SLC22A25: variants seen among roughly 807,000 people sequenced by gnomAD.
The protein encoded by SLC22A25 is MGI:2442751, MGI:2385316, MGI:3042283, MGI:3645714, MGI:3605624, MGI:2442750.
SLC22A25 carries 44 observed loss-of-function variants against 45.9 expected under a neutral mutation model. The ratio of observed to expected loss-of-function variants is 0.96; its 90% CI spans 0.75 to 1.23. The LOEUF is 1.23. Among genes scored for constraint, SLC22A25 ranks in the 50% most tolerant of loss-of-function variants. The pLI, the probability that SLC22A25 is intolerant of heterozygous loss-of-function variation, is 0.00. For synonymous variants in SLC22A25, 283 were observed against 238.6 expected (o/e 1.19, Z -1.72); for missense variants, 800 against 666.4 (o/e 1.20, Z -2.21).
In SLC22A25 at chr11:63,163,726, C is replaced by G. The variant is rs1409979124; in HGVS notation, c.*98G>C. The G allele has an allele frequency of 2.7e-6, 4 of 1,495,772 alleles. No individual in the cohort carries two copies. Among genetic ancestry groups the G allele is most frequent in the Non-Finnish European group, 2.7e-6 (3 of 1,118,744 alleles). 92.7% of individuals were successfully genotyped at this position (1,495,772 alleles called of 1,614,324 possible). A position where few individuals can be genotyped will look rare whatever the true frequency, so the allele number is the denominator to read the frequency against. ...TCACTGTGGAAGGGATGAGGATACA[C>G]CAAAGGCAAAGGCACTGACTACATG... On this transcript the variant is annotated 3_prime_UTR_variant, in exon 12 of 12. Coordinates refer to ENST00000306494, the MANE Select transcript of SLC22A25 (RefSeq NM_199352.6).
chr11:63,161,645 C>T lies in SLC22A25; in HGVS notation c.*2179G>A, dbSNP rs183643021. 1.4e-4 allele frequency among the ~76,000 whole-genome samples: 21 copies of T among 152,288 alleles called. No individual in the cohort carries two copies. The highest frequency in any genetic ancestry group is 3.9e-4 in the East Asian group (2 of 5,188). On this transcript the variant is annotated 3_prime_UTR_variant, in exon 12 of 12. Transcript: ENST00000306494. ...TCTTTTTGCCTGCTGCCATGTAAGA[C>T]GTGCCTTTCGCCCTCCACCAGGATT...
intron 7 of SLC22A25, among the ~76,000 whole-genome samples, chr11:63,191,564 G>A (rs146063310): frequency 4.6e-5 from 7 of 152,154 alleles, no homozygotes; most frequent in South Asian, 2.1e-4. Flanking sequence ...TGCACCCACT[G>A]TCTGACACTC....
chr11:63,232,257 A>C (rs1288682414), intron 3 of SLC22A25, among the ~76,000 whole-genome samples: 1 of 152,094 alleles, frequency 6.6e-6, no homozygotes, highest in Non-Finnish European at 1.5e-5. Context: ...GATTCTTCCT[A>C]CCCGTGAGCA....
intron 8 of SLC22A25, among the ~76,000 whole-genome samples, 180 bp from the exon 9 acceptor site, chr11:63,180,955 TAAAG>T (rs2088298890): frequency 1.3e-5 from 2 of 152,294 alleles, no homozygotes; most frequent in Middle Eastern, 3.4e-3. Flanking sequence ...AATAGAGAGT[TAAAG>T]AAGCCTCAGA....
chr11:63,199,434 T>C (rs2089168120), intron 7 of SLC22A25, among the ~76,000 whole-genome samples: 1 of 152,048 alleles, frequency 6.6e-6, no homozygotes, highest in Non-Finnish European at 1.5e-5. Context: ...GGAAATAATG[T>C]ATACAGTGGT....
chr11:63,238,728 G>T lies in SLC22A25; in HGVS notation c.-588C>A. 4.9e-6 allele frequency: 1 copy of T among 204,230 alleles called. No homozygotes were observed. Among genetic ancestry groups the T allele is most frequent in the Non-Finnish European group, 1.1e-5 (1 of 90,570 alleles). The allele number at this position is 204,230 out of a possible 1,614,324, so 12.7% of individuals were successfully genotyped here. A position where few individuals can be genotyped will look rare whatever the true frequency, so the allele number is the denominator to read the frequency against. The stretch of plus-strand genomic sequence containing the variant: ...TTGGGGCCTCTTACCCAGTCACGAT[G>T]GTGGAGAGGAAGGAGCTTCTGTTGT... On this transcript the variant is annotated 5_prime_UTR_variant, in exon 2 of 12. Coordinates refer to ENST00000306494, the MANE Select transcript of SLC22A25 (RefSeq NM_199352.6).
chr11:63,183,659 C>A, intron 8 of SLC22A25, 35 bp downstream of exon 8: 1 of 1,611,148 alleles, frequency 6.2e-7, no homozygotes, highest in Non-Finnish European at 8.5e-7. Context: ...TTTATGTCTT[C>A]CCAGCATCCC....
rs930477751 is a variant in SLC22A25, at chr11:63,160,418, A to G, written c.*3406T>C. ...ACAGCTTCCATGTGGTGTTGAGCCT[A>G]CAGGTGCAAAGAAGTCAAGAATTGA... On this transcript the variant is annotated 3_prime_UTR_variant, in exon 12 of 12. Transcript: ENST00000306494. 2.0e-5 allele frequency among the ~76,000 whole-genome samples: 3 copies of G among 152,184 alleles called. No individual in the cohort carries two copies. The highest frequency in any genetic ancestry group is 4.4e-5 in the Non-Finnish European group (3 of 68,034).
rs766954113 is a variant in SLC22A25, at chr11:63,180,705, C to T, written c.1025G>A (p.Arg342His). 3.5e-5 allele frequency: 56 copies of T among 1,612,952 alleles called. No homozygotes were observed. The highest frequency in any genetic ancestry group is 1.1e-4 in the African/African-American group (8 of 74,862). ...QKKHSLCELL[R>H]IPNICKRICF... ...GATTCTTTTACATATGTTGGGTATG[C>T]GGAGCAATTCACAAAGAGAATGCTT... Residue 342 changes from arginine to histidine, a missense_variant, in exon 9 of 12, where the codon CGC becomes CAC. Arg to His is a conservative substitution (Grantham distance 29). Coordinates refer to ENST00000306494, the MANE Select transcript of SLC22A25 (RefSeq NM_199352.6).
At chr11:63,168,776 A>G (rs865829388) in intron 9 of SLC22A25, among the ~76,000 whole-genome samples, 2 of 152,214 alleles carry the variant, frequency 1.3e-5, no homozygotes, top group Non-Finnish European at 2.9e-5. Context: ...TCCCCAACCT[A>G]GCAAGACAGG....
intron 7 of SLC22A25, among the ~76,000 whole-genome samples, chr11:63,192,479 C>T (rs755713959): frequency 6.6e-5 from 10 of 152,292 alleles, no homozygotes; most frequent in Admixed American, 2.0e-4. Flanking sequence ...ATCAAATCCA[C>T]ACGTATCAAT....
intron 7 of SLC22A25, among the ~76,000 whole-genome samples, chr11:63,197,725 G>T (rs1257418769): frequency 6.6e-6 from 1 of 152,112 alleles, no homozygotes; most frequent in Non-Finnish European, 1.5e-5. Context: ...TTGACAAATG[G>T]CATCTAAGTA....
chr11:63,186,692 T>C (rs1182631728), intron 7 of SLC22A25, among the ~76,000 whole-genome samples: 2 of 152,232 alleles, frequency 1.3e-5, no homozygotes, highest in Non-Finnish European at 2.9e-5. Context: ...AACATTTAAG[T>C]CTTTAATCCA....
intron 7 of SLC22A25, among the ~76,000 whole-genome samples, chr11:63,187,898 C>G (rs927754272): frequency 1.3e-5 from 2 of 152,168 alleles, no homozygotes; most frequent in Admixed American, 1.3e-4. Context: ...ATGTAGCCCA[C>G]TTGATCATGT....
intron 5 of SLC22A25, chr11:63,219,951 G>T (rs1449442796): frequency 1.6e-6 from 2 of 1,289,292 alleles, no homozygotes; most frequent in Non-Finnish European, 2.0e-6. Context: ...TGATGCTGGT[G>T]GATGGCAATG....
At chr11:63,194,445 T>C (rs2088929027) in intron 7 of SLC22A25, among the ~76,000 whole-genome samples, 1 of 151,182 alleles carries the variant, frequency 6.6e-6, no homozygotes, top group Non-Finnish European at 1.5e-5. Flanking sequence ...CAACCCAGAA[T>C]TTCATATGCA....
At chr11:63,166,485 A>G in intron 9 of SLC22A25, 1 of 1,365,470 alleles carries the variant, frequency 7.3e-7, no homozygotes, top group South Asian at 1.8e-5. Flanking sequence ...TGTATGGAGG[A>G]TGTGCTATGG....
chr11:63,199,918 C>G (rs534039273), intron 7 of SLC22A25, among the ~76,000 whole-genome samples: 1 of 152,058 alleles, frequency 6.6e-6, no homozygotes. Context: ...GTGCCAGACA[C>G]CCAATCTTGC....
chr11:63,172,520 AC>A (rs1426325043), intron 9 of SLC22A25, among the ~76,000 whole-genome samples: 1 of 152,218 alleles, frequency 6.6e-6, no homozygotes, highest in African/African-American at 2.4e-5. Flanking sequence ...TATGTGGCCA[AC>A]AAACATATGA....
Sources: allele counts gnomAD v4.1 joint callset (sites outside exome capture counted in the v4.1 genomes callset), GRCh38; gene constraint gnomAD v4.1.1; transcripts MANE v1.5; gene names NCBI Gene and HGNC (gene_info 2026-07-23, HGNC 2026-07-21).